ATP2A2: variants seen among roughly 807,000 people sequenced by gnomAD.
ATP2A2 encodes the protein ATPase sarcoplasmic/endoplasmic reticulum Ca2+ transporting 2.
In ATP2A2, 14 loss-of-function variants were observed where a neutral mutation model predicts 109.3. That is an observed-to-expected ratio of 0.13 (90% CI 0.08 to 0.20). The LOEUF (loss-of-function observed/expected upper bound fraction) is 0.20. Among genes scored for constraint, ATP2A2 ranks in the 10% least tolerant of loss-of-function variants. The pLI, the probability that ATP2A2 is intolerant of heterozygous loss-of-function variation, is 1.00. For synonymous variants in ATP2A2, 506 were observed against 490.9 expected, an observed-to-expected ratio of 1.03 and a Z score of -0.41; for missense variants, 657 against 1,321.6, an observed-to-expected ratio of 0.50 and a Z score of 7.80.
At chr12:110,333,050 T>C in intron 9 of ATP2A2, 131 bp from the exon 10 acceptor site, 1 of 828,910 alleles carries the variant, frequency 1.2e-6, no homozygotes, top group Non-Finnish European at 2.1e-6. Flanking sequence ...ATCAAATTGT[T>C]TGGAATTTTT....
Position 110,348,643 on chromosome 12 carries a change from G to A in ATP2A2, c.*2173G>A, listed in dbSNP as rs1382078885. 6.1e-6 allele frequency: 6 copies of A among 985,330 alleles called. No homozygotes were observed. The East Asian group carries it at 3.4e-4, about 56-fold the overall frequency. 61.0% of individuals were successfully genotyped at this position (985,330 alleles called of 1,614,324 possible). A position where few individuals can be genotyped will look rare whatever the true frequency, so the allele number is the denominator to read the frequency against. On this transcript the variant is annotated 3_prime_UTR_variant, in exon 20 of 20. Transcript: ENST00000539276. Reference sequence around the variant, plus strand: ...TCTCAGCCCTTTGGAGGCCACAGCAGAAGGATTGCTTGAGCCCAGGTACTC... The same window carrying A: ...TCTCAGCCCTTTGGAGGCCACAGCAAAAGGATTGCTTGAGCCCAGGTACTC...
At chr12:110,295,826 T>G (rs925583707) in intron 4 of ATP2A2, among the ~76,000 whole-genome samples, 1 of 152,228 alleles carries the variant, frequency 6.6e-6, no homozygotes, top group Admixed American at 6.5e-5. Context: ...AGTGCTATGA[T>G]GAGAGTCCAG....
intron 4 of ATP2A2, among the ~76,000 whole-genome samples, chr12:110,292,678 T>G (rs1490803131): frequency 6.6e-6 from 1 of 152,168 alleles, no homozygotes; most frequent in Non-Finnish European, 1.5e-5. Context: ...TCTCAGCTAC[T>G]CAGGAGGCTG....
chr12:110,330,289 T>G (rs1878215280), intron 8 of ATP2A2: 1 of 152,196 alleles, frequency 6.6e-6, no homozygotes, highest in Non-Finnish European at 1.5e-5. Context: ...GCAAGCTCCT[T>G]GTGAAGTCCA....
In ATP2A2 at chr12:110,342,125, G is replaced by A. The variant is rs768167885; in HGVS notation, c.2098-103G>A. On this transcript the variant is annotated intron_variant, in intron 14 of 19. Transcript: ENST00000539276. This position sits in a 1 kb window ranked among gnomAD's most constrained non-coding sequence, Gnocchi z 4.6. ...TAAAACTCTTTGCCAAGAGACCTAC[G>A]GCTCTATTCATTTTCCTCCTGCTTC... 29 of 1,300,654 alleles carry A rather than the reference G, an allele frequency of 2.2e-5. No homozygotes were observed. Among genetic ancestry groups the A allele is most frequent in the African/African-American group, 5.8e-5 (4 of 68,660 alleles). 80.6% of individuals were successfully genotyped at this position (1,300,654 alleles called of 1,614,324 possible).
chr12:110,328,296 C>T (rs891463574), intron 8 of ATP2A2, among the ~76,000 whole-genome samples: 1 of 150,506 alleles, frequency 6.6e-6, no homozygotes, highest in Non-Finnish European at 1.5e-5. Flanking sequence ...AAAGCCTGGG[C>T]GCAGTGGCTC....
Position 110,342,126 on chromosome 12 carries a change from G to A in ATP2A2, c.2098-102G>A, listed in dbSNP as rs905662976. 10 of 1,313,718 alleles carry A rather than the reference G, an allele frequency of 7.6e-6. No individual in the cohort carries two copies. Among genetic ancestry groups the A allele is most frequent in the Admixed American group, 3.4e-5 (2 of 58,358 alleles). The allele number at this position is 1,313,718 out of a possible 1,614,324, so 81.4% of individuals were successfully genotyped here. On this transcript the variant is annotated intron_variant, in intron 14 of 19. Transcript: ENST00000539276. This position sits in a 1 kb window ranked among gnomAD's most constrained non-coding sequence, Gnocchi z 4.6. ...AAAACTCTTTGCCAAGAGACCTACGGCTCTATTCATTTTCCTCCTGCTTCC... is the reference window on the plus strand; with the variant it reads ...AAAACTCTTTGCCAAGAGACCTACGACTCTATTCATTTTCCTCCTGCTTCC...
At chr12:110,324,431 T>A (rs1273474863) in intron 6 of ATP2A2, among the ~76,000 whole-genome samples, 1 of 152,180 alleles carries the variant, frequency 6.6e-6, no homozygotes. Context: ...AAAAAATTTT[T>A]TTTTTTTTGA....
At position 110,283,957 on chromosome 12, in the gene ATP2A2, G is replaced by A. The variant is rs141935069; in HGVS notation, c.219+1162G>A. ...CCCATCTTTTAAGTAGATAGTGGCA[G>A]CAGTAAATAAATTTGTGGAATAATT... is the stretch of plus-strand genomic sequence containing the variant. On this transcript the variant is annotated intron_variant, in intron 3 of 19. Transcript: ENST00000539276. 2.1e-3 allele frequency among the ~76,000 whole-genome samples: 327 copies of A among 152,278 alleles called. 3 individuals are homozygous for A. The highest frequency in any genetic ancestry group is 7.6e-3 in the African/African-American group (316 of 41,548).
chr12:110,305,448 A>G (rs947833367), intron 5 of ATP2A2, among the ~76,000 whole-genome samples: 1 of 152,222 alleles, frequency 6.6e-6, no homozygotes, highest in Non-Finnish European at 1.5e-5. Context: ...GTGAGGTAGG[A>G]GATCCAGCTG....
chr12:110,307,773 T>A (rs1875538127), intron 5 of ATP2A2, among the ~76,000 whole-genome samples: 1 of 148,612 alleles, frequency 6.7e-6, no homozygotes. Context: ...TAGTTTGCAA[T>A]TATTTTCTCC....
intron 18 of ATP2A2, 36 bp from the exon 19 acceptor site, chr12:110,345,965 T>C (rs1566243048): frequency 6.2e-7 from 1 of 1,601,890 alleles, no homozygotes; most frequent in South Asian, 1.1e-5. Flanking sequence ...TGCCTTGCCT[T>C]GGGGGTGCGT....
rs1297632756 is a variant in ATP2A2 at position 110,346,907 on chromosome 12, C to A, written c.*437C>A. 4 of 1,089,100 alleles carry A rather than the reference C, an allele frequency of 3.7e-6. No homozygotes were observed. The highest frequency in any genetic ancestry group is 3.4e-6 in the Non-Finnish European group (3 of 893,528). The allele number at this position is 1,089,100 out of a possible 1,614,324, so 67.5% of individuals were successfully genotyped here. A position where few individuals can be genotyped will look rare whatever the true frequency, so the allele number is the denominator to read the frequency against. On this transcript the variant is annotated 3_prime_UTR_variant, in exon 20 of 20. Transcript: ENST00000539276. Reference sequence around the variant, plus strand: ...TGATGATCCGGATTTAATTTGATATCACAGTCTAATTTTTATTCATAAGCC... The same window carrying A: ...TGATGATCCGGATTTAATTTGATATAACAGTCTAATTTTTATTCATAAGCC...
Position 110,350,864 on chromosome 12 carries a change from C to T in ATP2A2, c.*4394C>T, listed in dbSNP as rs956031004. On this transcript the variant is annotated 3_prime_UTR_variant, in exon 20 of 20. Coordinates refer to ENST00000539276, the MANE Select transcript of ATP2A2 (RefSeq NM_170665.4). ...TTTCTGAGTGTGCAGACAGCTATTT[C>T]GCACTGTATTAAATGTAACTTATTT... 11 of 161,040 alleles carry T rather than the reference C, an allele frequency of 6.8e-5. No individual in the cohort carries two copies. The highest frequency in any genetic ancestry group is 1.1e-4 in the Non-Finnish European group (8 of 72,304). 10.0% of individuals were successfully genotyped at this position (161,040 alleles called of 1,614,324 possible). A position where few individuals can be genotyped will look rare whatever the true frequency, so the allele number is the denominator to read the frequency against.
At chr12:110,299,052 G>A (rs758631014) in intron 5 of ATP2A2, among the ~76,000 whole-genome samples, 8 of 151,500 alleles carry the variant, frequency 5.3e-5, no homozygotes, top group African/African-American at 1.2e-4. Context: ...TCACTGCAGC[G>A]TTGACCTCCT....
intron 3 of ATP2A2, among the ~76,000 whole-genome samples, chr12:110,284,009 T>C (rs1415477889): frequency 6.6e-6 from 1 of 152,246 alleles, no homozygotes; most frequent in Non-Finnish European, 1.5e-5. Context: ...TATGATACTT[T>C]ATTATGCCAT....
At position 110,322,268 on chromosome 12, in the gene ATP2A2, G is replaced by A. The variant is rs537086762; in HGVS notation, c.464-724G>A. ...ACATGTTATACGAGCATATCAAAGG[G>A]TTTGAAACAGTGAAAGAGCTAAGAT... On this transcript the variant is annotated intron_variant, in intron 5 of 19. Transcript: ENST00000539276. 1.6e-4 allele frequency among the ~76,000 whole-genome samples: 24 copies of A among 152,280 alleles called. 1 individual carries two copies. Among genetic ancestry groups the A allele is most frequent in the African/African-American group, 5.5e-4 (23 of 41,556 alleles).
In ATP2A2 at chr12:110,327,139, C is replaced by CA. The variant is rs1877886862; in HGVS notation, c.631-413dup. Among the ~76,000 whole-genome samples the CA allele has an allele frequency of 6.6e-6, 1 of 152,166 alleles. No individual in the cohort carries two copies. The highest frequency in any genetic ancestry group is 1.5e-5 in the Non-Finnish European group (1 of 68,024). On this transcript the variant is annotated intron_variant, in intron 7 of 19. Transcript: ENST00000539276. This position sits in a 1 kb window ranked among gnomAD's most constrained non-coding sequence, Gnocchi z 4.4. Reference sequence around the variant, plus strand: ...GATTTCTTTGGTTTTTGGACCCTGTCACATGAGTAGGGGTTGTCAAGATAG... The same window carrying CA: ...GATTTCTTTGGTTTTTGGACCCTGTCAACATGAGTAGGGGTTGTCAAGATAG...
In ATP2A2 at chr12:110,342,180, G is replaced by A. The variant is rs561331503; in HGVS notation, c.2098-48G>A. 1.2e-6 allele frequency: 2 copies of A among 1,605,018 alleles called. No individual in the cohort carries two copies. Among genetic ancestry groups the A allele is most frequent in the East Asian group, 4.5e-5 (2 of 44,834 alleles). ...TCAGTGGGCTTTTGCCTAGGGGTAT[G>A]AATGTGGCATGCCAGTTGGCTGACC... On this transcript the variant is annotated intron_variant, in intron 14 of 19. Transcript: ENST00000539276. This position sits in a 1 kb window ranked among gnomAD's most constrained non-coding sequence, Gnocchi z 4.6.
Sources: allele counts gnomAD v4.1 joint callset (sites outside exome capture counted in the v4.1 genomes callset), GRCh38; gene constraint gnomAD v4.1.1; non-coding constraint Gnocchi (gnomAD v3.1); transcripts MANE v1.5; gene names NCBI Gene and HGNC (gene_info 2026-07-23, HGNC 2026-07-21).